The following ICE1 variants were observed in gnomAD, a reference collection of about 807,000 sequenced individuals.
ICE1 encodes the protein little elongation complex subunit 1.
ICE1 carries 64 observed loss-of-function variants against 192.7 expected under a neutral mutation model. The ratio of observed to expected loss-of-function variants is 0.33; its 90% CI spans 0.27 to 0.41. The LOEUF (loss-of-function observed/expected upper bound fraction) is 0.41, where lower values mean the gene tolerates loss of function less well. Among genes scored for constraint, ICE1 ranks in the 10% least tolerant of loss-of-function variants. The pLI is 1.00. For synonymous variants in ICE1, 1,010 were observed against 984.5 expected, an observed-to-expected ratio of 1.03 and a Z score of -0.49; for missense variants, 2,708 against 2,696.0, an observed-to-expected ratio of 1.00 and a Z score of -0.10.
chr5:5,438,586 G>A (rs1737948931), intron 3 of ICE1, among the ~76,000 whole-genome samples: 1 of 152,162 alleles, frequency 6.6e-6, no homozygotes, highest in African/African-American at 2.4e-5. Context: ...ACTTTTAGAA[G>A]GCTAAATAGG....
At position 5,468,760 on chromosome 5, in the gene ICE1, T is replaced by C. The variant is rs572865132; in HGVS notation, c.6062-68T>C. On this transcript the variant is annotated intron_variant, in intron 14 of 18. Transcript: ENST00000296564. ...GCACCAGTGAAATTAATACAATTTG[T>C]TCTTAATTTGCAATTTATTTACTCG... The C allele has an allele frequency of 2.5e-5, 24 of 964,468 alleles. No individual in the cohort carries two copies. In the African/African-American group the frequency reaches 3.6e-4, roughly 14 times the overall value. The allele number at this position is 964,468 out of a possible 1,614,324, so 59.7% of individuals were successfully genotyped here.
At chr5:5,429,887 G>T (rs1324612105) in intron 1 of ICE1, among the ~76,000 whole-genome samples, 2 of 152,200 alleles carry the variant, frequency 1.3e-5, no homozygotes. Context: ...GAAACAAAAA[G>T]TCTTGAGTAA....
intron 15 of ICE1, among the ~76,000 whole-genome samples, chr5:5,471,293 T>G (rs1174683698): frequency 1.3e-5 from 2 of 152,182 alleles, no homozygotes; most frequent in Non-Finnish European, 2.9e-5. Context: ...TGATGAATAT[T>G]GGCTTTGGGG....
chr5:5,452,074 G>A (rs1204729344), intron 10 of ICE1, among the ~76,000 whole-genome samples: 1 of 150,294 alleles, frequency 6.7e-6, no homozygotes, highest in Non-Finnish European at 1.5e-5. Flanking sequence ...TGAGGTAATG[G>A]AAAAAAAATT....
chr5:5,432,202 G>A (rs984797225), intron 1 of ICE1, among the ~76,000 whole-genome samples: 3 of 152,058 alleles, frequency 2.0e-5, no homozygotes, highest in Non-Finnish European at 2.9e-5. Flanking sequence ...TCCTGTCTCT[G>A]TACTCTTCCT....
intron 7 of ICE1, among the ~76,000 whole-genome samples, chr5:5,444,618 A>G (rs1738157296): frequency 6.6e-6 from 1 of 152,246 alleles, no homozygotes; most frequent in African/African-American, 2.4e-5. Context: ...AAAGAATTTA[A>G]TTTGGAAAGT....
At chr5:5,477,917 C>A (rs1344879194) in intron 17 of ICE1, among the ~76,000 whole-genome samples, 1 of 152,156 alleles carries the variant, frequency 6.6e-6, no homozygotes, top group Admixed American at 6.5e-5. Flanking sequence ...AAAAGGCCTT[C>A]AGTAAAATTC....
At chr5:5,455,382 C>A (rs1436340638) in intron 11 of ICE1, among the ~76,000 whole-genome samples, 5 of 152,124 alleles carry the variant, frequency 3.3e-5, no homozygotes, top group Non-Finnish European at 7.4e-5. Flanking sequence ...TGCCAGGTAC[C>A]CATTGGTATT....
At position 5,424,635 on chromosome 5, in the gene ICE1, G is replaced by T. The variant is rs182115331; in HGVS notation, c.84+1636G>T. On this transcript the variant is annotated intron_variant, in intron 1 of 18. Transcript: ENST00000296564. ...GTAATGAAAACGTTGTTGATGAATT[G>T]AACAGAGATGGGGAGGGAATGAATG... 5.4e-3 allele frequency among the ~76,000 whole-genome samples: 829 copies of T among 152,304 alleles called. 11 individuals are homozygous for T. Among genetic ancestry groups the T allele is most frequent in the African/African-American group, 0.019 (798 of 41,558 alleles).
At chr5:5,465,364 A>ACGACTATATTTCTAGCCAGCATT in intron 13 of ICE1, 138 bp downstream of exon 13, 1 of 617,228 alleles carries the variant, frequency 1.6e-6, no homozygotes, top group Non-Finnish European at 2.8e-6. Flanking sequence ...TGTAAACATT[A>ACGACTATATTTCTAGCCAGCATT]CGACTATATT....
chr5:5,480,597 G>A (rs763905198), intron 17 of ICE1, among the ~76,000 whole-genome samples: 3 of 152,134 alleles, frequency 2.0e-5, no homozygotes, highest in Non-Finnish European at 2.9e-5. Flanking sequence ...AATAAGGTTA[G>A]TGTTTGAGAA....
At position 5,464,427 on chromosome 5, in the gene ICE1, C is replaced by T; in HGVS notation, c.5093C>T (p.Pro1698Leu). Residue 1698 changes from proline to leucine, a missense_variant, in exon 13 of 19, where the codon CCA becomes CTA. Physicochemically the swap from Pro to Leu is moderately conservative, Grantham distance 98 (BLOSUM62 -3). Transcript: ENST00000296564. This position sits in a 1 kb window ranked among gnomAD's most constrained non-coding sequence, Gnocchi z 4.0. Reference protein sequence around the residue: ...PRRASPPDPSPSPSAASASER... With the variant: ...PRRASPPDPSLSPSAASASER... The stretch of plus-strand genomic sequence containing the variant: ...CGTGCCTCTCCTCCAGATCCTTCTC[C>T]ATCTCCATCTGCAGCTTCAGCCAGT... The T allele has an allele frequency of 1.2e-6, 2 of 1,613,934 alleles. No individual in the cohort carries two copies. The highest frequency in any genetic ancestry group is 1.7e-6 in the Non-Finnish European group (2 of 1,179,882).
At position 5,447,845 on chromosome 5, in the gene ICE1, G is replaced by A; in HGVS notation, c.552G>A (p.Leu184=). ...GTTTTTTCCCCATGCTTTTAGAGTTGAGACATATTGGAACACAAATTTCAA... is the reference window on the plus strand; with the variant it reads ...GTTTTTTCCCCATGCTTTTAGAGTTAAGACATATTGGAACACAAATTTCAA... ...EFSKQKNEKE[L]RHIGTQISSD... Residue 184 remains leucine, a synonymous_variant, in exon 10 of 19, where the codon TTG becomes TTA. Coordinates refer to ENST00000296564, the MANE Select transcript of ICE1 (RefSeq NM_015325.3). 1.3e-6 allele frequency: 2 copies of A among 1,578,588 alleles called. No individual in the cohort carries two copies. The highest frequency in any genetic ancestry group is 1.7e-6 in the Non-Finnish European group (2 of 1,159,808).
chr5:5,431,139 G>A (rs982399636), intron 1 of ICE1, among the ~76,000 whole-genome samples: 42 of 152,232 alleles, frequency 2.8e-4, no homozygotes, highest in African/African-American at 9.9e-4. Flanking sequence ...AGGTTTCTTC[G>A]GGGTCTCTGC....
At chr5:5,447,543 A>G (rs1009075257) in intron 8 of ICE1, 34 bp downstream of exon 8, 23 of 1,486,158 alleles carry the variant, frequency 1.5e-5, no homozygotes, top group Admixed American at 4.0e-5. Flanking sequence ...CACACCTTAA[A>G]TACGTGGCTC....
Position 5,462,792 on chromosome 5 carries a change from C to A in ICE1, c.3458C>A (p.Thr1153Lys). The change falls in exon 13 of 19, where the codon ACG (threonine) becomes AAG (lysine). Residue 1153 changes from threonine to lysine, a missense_variant. Transcript: ENST00000296564. The stretch of plus-strand genomic sequence containing the variant: ...CCTTCCTTAGAGGTAGGTTATTTGA[C>A]GTCAGCTCTGCAAGATTTTAACATA... ...VRPSLEVGYL[T>K]SALQDFNIST... The A allele has an allele frequency of 6.2e-7, 1 of 1,613,318 alleles. No homozygotes were observed.
chr5:5,447,920 T>G (rs1738288137), intron 10 of ICE1, 23 bp downstream of exon 10: 7 of 1,533,798 alleles, frequency 4.6e-6, no homozygotes, highest in Non-Finnish European at 5.3e-6. Context: ...CAACTTTTGT[T>G]TTAATGTTGT....
Position 5,460,831 on chromosome 5 carries a change from G to A in ICE1, c.1497G>A (p.Lys499=). The A allele has an allele frequency of 1.9e-6, 3 of 1,614,030 alleles. No individual in the cohort carries two copies. Among genetic ancestry groups the A allele is most frequent in the Non-Finnish European group, 2.5e-6 (3 of 1,179,904 alleles). The stretch of plus-strand genomic sequence containing the variant: ...TGGATAAGTCAGTACAAACTGAGAA[G>A]ACCATTCATAAACTCACTCGAGGTC... ...REMDKSVQTE[K]TIHKLTRGLC... Residue 499 remains lysine, a synonymous_variant, in exon 13 of 19, where the codon AAG becomes AAA. Coordinates refer to ENST00000296564, the MANE Select transcript of ICE1 (RefSeq NM_015325.3).
intron 14 of ICE1, among the ~76,000 whole-genome samples, chr5:5,467,571 C>A (rs989055981): frequency 2.0e-5 from 3 of 152,194 alleles, no homozygotes; most frequent in Admixed American, 2.0e-4. Context: ...CTGGCACTTA[C>A]CACTTCTTAA....
Sources: gnomAD v4.1 joint callset for allele counts (sites outside exome capture counted in the v4.1 genomes callset) on GRCh38, gnomAD v4.1.1 for gene constraint, Gnocchi (gnomAD v3.1) non-coding constraint, MANE v1.5 for transcripts, NCBI Gene and HGNC (gene_info 2026-07-23, HGNC 2026-07-21) for gene names.